The following RGS5 variants were observed in gnomAD, a reference collection of about 807,000 sequenced individuals.
The protein encoded by RGS5 is regulator of G-protein signalling 5.
In RGS5, 20 loss-of-function variants were observed where a neutral mutation model predicts 18.9. The ratio of observed to expected loss-of-function variants is 1.06; its 90% confidence interval spans 0.74 to 1.54. RGS5 has a LOEUF of 1.54. Ranked by LOEUF, RGS5 falls within the 40% of genes most tolerant of loss-of-function variation. RGS5 has a pLI of 0.00. For missense variants in RGS5, 201 were observed against 211.8 expected, an observed-to-expected ratio of 0.95 and a Z score of 0.32; for synonymous variants, 57 against 76.2, an observed-to-expected ratio of 0.75 and a Z score of 1.31.
chr1:163,165,057 A>G (rs1657981886), intron 2 of RGS5, among the ~76,000 whole-genome samples: 1 of 152,190 alleles, frequency 6.6e-6, no homozygotes, highest in Non-Finnish European at 1.5e-5. Context: ...CCTGATAACC[A>G]GTGGTGACCT....
At chr1:163,264,756 C>A (rs1250134630) in intron 2 of RGS5, among the ~76,000 whole-genome samples, 1 of 152,070 alleles carries the variant, frequency 6.6e-6, no homozygotes, top group Non-Finnish European at 1.5e-5. Context: ...CATTATATTT[C>A]CCTATGTCAA....
At chr1:163,235,556 T>C (rs72695931) in intron 2 of RGS5, among the ~76,000 whole-genome samples, 1 of 152,182 alleles carries the variant, frequency 6.6e-6, no homozygotes, top group Non-Finnish European at 1.5e-5. Flanking sequence ...CCCTAACCTA[T>C]GGTTCTTCTC....
intron 2 of RGS5, among the ~76,000 whole-genome samples, chr1:163,226,914 T>C (rs557543779): frequency 1.3e-5 from 2 of 152,324 alleles, no homozygotes; most frequent in African/African-American, 4.8e-5. Context: ...GGATTATCAT[T>C]CTAAACATTG....
At chr1:163,249,528 C>A (rs545430147) in intron 2 of RGS5, among the ~76,000 whole-genome samples, 1 of 152,244 alleles carries the variant, frequency 6.6e-6, no homozygotes, top group Non-Finnish European at 1.5e-5. Context: ...CTGTGGCTCA[C>A]GCCTATAATC....
intron 2 of RGS5, among the ~76,000 whole-genome samples, chr1:163,281,747 A>T (rs1648996835): frequency 6.6e-6 from 1 of 152,188 alleles, no homozygotes; most frequent in Admixed American, 6.5e-5. Context: ...CAGCATGGAG[A>T]ACCCCCAAAT....
At chr1:163,156,980 T>C (rs1355539892) in intron 3 of RGS5, among the ~76,000 whole-genome samples, 2 of 151,988 alleles carry the variant, frequency 1.3e-5, no homozygotes. Context: ...GTGAGGAAGA[T>C]GATGACAAAA....
At chr1:163,151,479 G>T (rs1557879562) in intron 4 of RGS5, among the ~76,000 whole-genome samples, 1 of 152,184 alleles carries the variant, frequency 6.6e-6, no homozygotes, top group South Asian at 2.1e-4. Flanking sequence ...GTTTGGCTCT[G>T]TGTCCCCACC....
chr1:163,192,522 C>T (rs187256507), intron 1 of RGS5, among the ~76,000 whole-genome samples: 147 of 152,262 alleles, frequency 9.7e-4, no homozygotes, highest in African/African-American at 3.3e-3. Flanking sequence ...CATCAATCTA[C>T]GTTCATCTTT....
Position 163,261,492 on chromosome 1 carries a change from C to T in RGS5, c.-281+44741G>A, listed in dbSNP as rs149723362. Among the ~76,000 whole-genome samples, 424 of 152,210 alleles carry T rather than the reference C, an allele frequency of 2.8e-3. 3 individuals carry two copies. The highest frequency in any genetic ancestry group is 9.7e-3 in the African/African-American group (405 of 41,544). On this transcript the variant is annotated intron_variant, in intron 2 of 5. Coordinates refer to the RGS5 transcript ENST00000618415. ...ACCTCAAACCACCTTCCTGGGCTTA[C>T]ATCAGAGAAAAAAAGGAAGACAGTC...
At chr1:163,269,419 G>A (rs982858084) in intron 2 of RGS5, among the ~76,000 whole-genome samples, 1 of 152,070 alleles carries the variant, frequency 6.6e-6, no homozygotes, top group Non-Finnish European at 1.5e-5. Context: ...AACATAGCAG[G>A]GCCAGAGGGG....
intron 2 of RGS5, among the ~76,000 whole-genome samples, chr1:163,268,439 T>C (rs892148714): frequency 6.6e-6 from 1 of 152,146 alleles, no homozygotes; most frequent in Non-Finnish European, 1.5e-5. Context: ...TTCTGTATTC[T>C]TGATGCTCTT....
intron 3 of RGS5, among the ~76,000 whole-genome samples, chr1:163,160,101 C>T (rs1398632142): frequency 6.6e-6 from 1 of 152,158 alleles, no homozygotes; most frequent in African/African-American, 2.4e-5. Context: ...CTTTCTTATT[C>T]TAGTAGCTCT....
chr1:163,183,137 C>T (rs1339959886), intron 1 of RGS5, among the ~76,000 whole-genome samples: 2 of 152,070 alleles, frequency 1.3e-5, no homozygotes, highest in East Asian at 1.9e-4. Flanking sequence ...TTATCTTTGC[C>T]AGCTTTTTAA....
intron 2 of RGS5, among the ~76,000 whole-genome samples, chr1:163,235,423 T>C (rs1647597209): frequency 6.6e-6 from 1 of 152,196 alleles, no homozygotes; most frequent in East Asian, 1.9e-4. Context: ...AAGAAAATCA[T>C]GGAATAACTG....
chr1:163,172,065 T>C (rs1015988004), intron 1 of RGS5, among the ~76,000 whole-genome samples: 1 of 152,178 alleles, frequency 6.6e-6, no homozygotes, highest in African/African-American at 2.4e-5. Context: ...GTGCGTGTTA[T>C]TTTAAGGGAT....
At chr1:163,234,592 C>T (rs974546901) in intron 2 of RGS5, among the ~76,000 whole-genome samples, 7 of 152,056 alleles carry the variant, frequency 4.6e-5, no homozygotes, top group Non-Finnish European at 8.8e-5. Flanking sequence ...TGGTTTTATT[C>T]CTCCATAAAG....
chr1:163,320,965 T>G (rs1282574260), intron 1 of RGS5, among the ~76,000 whole-genome samples: 2 of 152,210 alleles, frequency 1.3e-5, no homozygotes, highest in Non-Finnish European at 2.9e-5. Flanking sequence ...TGTGACCAGA[T>G]ACAAGTCCTA....
chr1:163,228,983 G>C (rs1264967059), intron 2 of RGS5, among the ~76,000 whole-genome samples: 1 of 152,186 alleles, frequency 6.6e-6, no homozygotes, highest in Admixed American at 6.5e-5. Context: ...TTTCTAGGAA[G>C]TTCCAAATTT....
At chr1:163,315,336 TGCCTGAG>T (rs1006234214) in intron 1 of RGS5, among the ~76,000 whole-genome samples, 18 of 152,258 alleles carry the variant, frequency 1.2e-4, no homozygotes, top group African/African-American at 4.3e-4. Flanking sequence ...ACAGTAGGAC[TGCCTGAG>T]GCCAGGAGTT....
Sources: allele counts gnomAD v4.1 joint callset (sites outside exome capture counted in the v4.1 genomes callset), GRCh38; gene constraint gnomAD v4.1.1; transcripts MANE v1.5; gene names NCBI Gene and HGNC (gene_info 2026-07-23, HGNC 2026-07-21).